FBN1: variants seen among roughly 807,000 people sequenced by gnomAD.
The protein encoded by FBN1 is fibrillin 1, also known as fibrillin-1.
Under a neutral mutation model 365.1 loss-of-function variants are expected in FBN1, and 29 were observed. That is an observed-to-expected ratio of 0.08 (90% CI 0.06 to 0.11). The LOEUF is 0.11. Ranked by LOEUF, FBN1 falls within the 10% of genes least tolerant of loss-of-function variation. The pLI is 1.00. For synonymous variants in FBN1, 1,210 were observed against 1,270.5 expected, an observed-to-expected ratio of 0.95 and a Z score of 1.01; for missense variants, 2,476 against 3,703.2, an observed-to-expected ratio of 0.67 and a Z score of 8.60.
chr15:48,544,740 A>T (rs2044082081), intron 6 of FBN1, among the ~76,000 whole-genome samples: 1 of 152,208 alleles, frequency 6.6e-6, no homozygotes, highest in South Asian at 2.1e-4. Context: ...TCAGAGTAAA[A>T]GAATATCTCA....
At position 48,505,042 on chromosome 15, in the gene FBN1, T is replaced by C; in HGVS notation, c.1943A>G (p.Asp648Gly). ...ECFPGLAVGLDGRVCVDTHMR... is the reference protein window; with the variant it reads ...ECFPGLAVGLGGRVCVDTHMR... Reference sequence around the variant, plus strand: ...TTTCTTACCAACACACACACGGCCATCCAGACCCACAGCCAGTCCAGGGAA... The same window carrying C: ...TTTCTTACCAACACACACACGGCCACCCAGACCCACAGCCAGTCCAGGGAA... The change falls in exon 16 of 66, where the codon GAT (aspartate) becomes GGT (glycine). Residue 648 changes from aspartate to glycine, a missense_variant. Transcript: ENST00000316623. The C allele has an allele frequency of 6.2e-7, 1 of 1,614,090 alleles. No individual in the cohort carries two copies. Among genetic ancestry groups the C allele is most frequent in the Non-Finnish European group, 8.5e-7 (1 of 1,180,002 alleles).
rs2043337417 is a variant in FBN1, at chr15:48,468,024, C to A, written c.4661G>T (p.Gly1554Val). Residue 1554 changes from glycine to valine, a missense_variant, in exon 38 of 66, where the codon GGA becomes GTA. Physicochemically the swap from Gly to Val is moderately radical, Grantham distance 109. Transcript: ENST00000316623. Reference sequence around the variant, plus strand: ...GCAGGAAGCTTTGGAAACACCAACTCCAATTTCATTGCTGCAGGCTGTATC... The same window carrying A: ...GCAGGAAGCTTTGGAAACACCAACTACAATTTCATTGCTGCAGGCTGTATC... The part of the protein sequence containing the change: ...NGDTACSNEI[G>V]VGVSKASCCC... 1 of 1,614,022 alleles carries A rather than the reference C, an allele frequency of 6.2e-7. No individual in the cohort carries two copies. The highest frequency in any genetic ancestry group is 1.1e-5 in the South Asian group (1 of 91,064).
chr15:48,626,342 A>G (rs1889878677), intron 2 of FBN1, among the ~76,000 whole-genome samples: 1 of 152,202 alleles, frequency 6.6e-6, no homozygotes, highest in Non-Finnish European at 1.5e-5. Context: ...GAAAATTAAA[A>G]GGAAAAAATC....
At chr15:48,459,580 A>T (rs1193112685) in intron 43 of FBN1, among the ~76,000 whole-genome samples, 1 of 152,238 alleles carries the variant, frequency 6.6e-6, no homozygotes, top group African/African-American at 2.4e-5. Context: ...TATAAATCAC[A>T]CCAGGGAAAA....
intron 2 of FBN1, among the ~76,000 whole-genome samples, chr15:48,633,735 A>T (rs1432542466): frequency 6.6e-6 from 1 of 152,190 alleles, no homozygotes; most frequent in African/African-American, 2.4e-5. Flanking sequence ...CCATGCCCAC[A>T]GGATTGATAA....
At chr15:48,602,857 T>G (rs746002867) in intron 4 of FBN1, among the ~76,000 whole-genome samples, 6 of 152,346 alleles carry the variant, frequency 3.9e-5, no homozygotes, top group Non-Finnish European at 8.8e-5. Flanking sequence ...GAAGTTAAAC[T>G]TAGCTTCATC....
At position 48,520,779 on chromosome 15, in the gene FBN1, C is replaced by T. The variant is rs146726731; in HGVS notation, c.1027G>A (p.Gly343Arg). The change falls in exon 10 of 66, where the codon GGG becomes AGG. Residue 343 changes from glycine (G) to arginine (R), a missense_variant. Physicochemically the swap from Gly to Arg is moderately radical, Grantham distance 125 (BLOSUM62 -2). Transcript: ENST00000316623. ...PGYCYTALTN[G>R]RCSNQLPQSI... Reference sequence around the variant, plus strand: ...TGTGGCAGCTGGTTAGAGCAGCGCCCGTTTGTCAGAGCTGTGTAACAGTAT... The same window carrying T: ...TGTGGCAGCTGGTTAGAGCAGCGCCTGTTTGTCAGAGCTGTGTAACAGTAT... 331 of 1,614,140 alleles carry T rather than the reference C, an allele frequency of 2.1e-4. No individual in the cohort carries two copies. Among genetic ancestry groups the T allele is most frequent in the Admixed American group, 3.8e-4 (23 of 60,014 alleles).
chr15:48,421,918 C>T (rs2042945513), intron 61 of FBN1, 34 bp downstream of exon 61: 1 of 1,469,906 alleles, frequency 6.8e-7, no homozygotes, highest in African/African-American at 1.4e-5. Flanking sequence ...AGAATCGCTA[C>T]AATCCATGTA....
intron 2 of FBN1, among the ~76,000 whole-genome samples, chr15:48,626,126 T>C (rs1045834976): frequency 6.6e-6 from 1 of 152,008 alleles, no homozygotes; most frequent in African/African-American, 2.4e-5. Context: ...GATGGTGGCA[T>C]GCACCTGTAG....
rs528244076 is a variant in FBN1, at chr15:48,561,611, A to C, written c.539-23803T>G. Among the ~76,000 whole-genome samples, 3 of 152,346 alleles carry C rather than the reference A, an allele frequency of 2.0e-5. No individual in the cohort carries two copies. The South Asian group carries it at 6.2e-4, about 32-fold the overall frequency. ...TTACACTCAATTCAAAATTTTAAAG[A>C]ATCATATTTACCTTTTTTAGACTTT... is the stretch of plus-strand genomic sequence containing the variant. On this transcript the variant is annotated intron_variant, in intron 6 of 65. Transcript: ENST00000316623.
At chr15:48,497,196 T>C (rs2043615226) in intron 19 of FBN1, 70 bp downstream of exon 19, 1 of 1,601,852 alleles carries the variant, frequency 6.2e-7, no homozygotes, top group African/African-American at 1.3e-5. Context: ...CAAAGGCAGT[T>C]TTCTCCCAGC....
At chr15:48,503,715 T>G in intron 17 of FBN1, 72 bp downstream of exon 17, 1 of 1,602,648 alleles carries the variant, frequency 6.2e-7, no homozygotes, top group Non-Finnish European at 8.5e-7. Context: ...TCCCTGTGAA[T>G]TCCACAAATG....
At chr15:48,642,769 T>C (rs1264307386) in intron 2 of FBN1, 1 of 152,112 alleles carries the variant, frequency 6.6e-6, no homozygotes, top group Non-Finnish European at 1.5e-5. Context: ...ACAATTCTAT[T>C]AATACCCTGT....
At chr15:48,495,444 A>G (rs1352834401) in intron 21 of FBN1, 25 bp downstream of exon 21, 1 of 1,611,832 alleles carries the variant, frequency 6.2e-7, no homozygotes, top group Admixed American at 1.7e-5. Context: ...AAACATAGAA[A>G]AATCATTCTC....
chr15:48,520,952 G>C (rs1161464549), intron 9 of FBN1, 135 bp from the exon 10 acceptor site: 12 of 1,209,310 alleles, frequency 9.9e-6, no homozygotes, highest in African/African-American at 1.5e-5. Flanking sequence ...CCCCCGGAAG[G>C]GAAGCTGCGA....
At position 48,579,964 on chromosome 15, in the gene FBN1, A is replaced by G. The variant is rs191128191; in HGVS notation, c.538+16319T>C. On this transcript the variant is annotated intron_variant, in intron 6 of 65. Transcript: ENST00000316623. ...AACCAGAGTCAGTGGAGAGCTACAA[A>G]ATATGTTTTGAAATTGAAGGGACAC... Among the ~76,000 whole-genome samples, 14 of 152,262 alleles carry G rather than the reference A, an allele frequency of 9.2e-5. No homozygotes were observed. In the East Asian group the frequency reaches 1.9e-3, roughly 21 times the overall value.
chr15:48,410,938 C>G lies in FBN1; in HGVS notation c.*52G>C. Reference sequence around the variant, plus strand: ...ATTCTGATTGGGGGAAAATATAGTTCTACCTATCTATATTTGTTTTTCTTT... The same window carrying G: ...ATTCTGATTGGGGGAAAATATAGTTGTACCTATCTATATTTGTTTTTCTTT... On this transcript the variant is annotated 3_prime_UTR_variant, in exon 66 of 66. Transcript: ENST00000316623. 1 of 1,470,162 alleles carries G rather than the reference C, an allele frequency of 6.8e-7. No homozygotes were observed. The highest frequency in any genetic ancestry group is 9.5e-7 in the Non-Finnish European group (1 of 1,057,986). The allele number at this position is 1,470,162 out of a possible 1,614,324, so 91.1% of individuals were successfully genotyped here. A position where few individuals can be genotyped will look rare whatever the true frequency, so the allele number is the denominator to read the frequency against.
chr15:48,444,397 G>T (rs1314263129), intron 49 of FBN1, 144 bp downstream of exon 49: 26 of 932,630 alleles, frequency 2.8e-5, no homozygotes, highest in Non-Finnish European at 4.5e-5. Context: ...TTGCCAGAAG[G>T]ATGAGACCAT....
intron 6 of FBN1, among the ~76,000 whole-genome samples, chr15:48,589,895 C>T (rs557933819): frequency 3.7e-4 from 57 of 152,094 alleles, no homozygotes; most frequent in South Asian, 8.3e-4. Flanking sequence ...GGATTACAGG[C>T]GTGAGCCACC....
Sources: gnomAD v4.1 joint callset for allele counts (sites outside exome capture counted in the v4.1 genomes callset) on GRCh38, gnomAD v4.1.1 for gene constraint, MANE v1.5 for transcripts, NCBI Gene and HGNC (gene_info 2026-07-23, HGNC 2026-07-21) for gene names.